The following SLC25A31 variants were observed in gnomAD, a reference collection of about 807,000 sequenced individuals.
SLC25A31 encodes solute carrier family 25 member 31.
In SLC25A31, 40 loss-of-function variants were observed where a neutral mutation model predicts 36.2. The observed-to-expected ratio is 1.10, with a 90% CI of 0.86 to 1.44. SLC25A31 has a LOEUF of 1.44. Ranked by LOEUF, SLC25A31 falls within the 40% of genes most tolerant of loss-of-function variation. The pLI, the probability that SLC25A31 is intolerant of heterozygous loss-of-function variation, is 0.00. For synonymous variants in SLC25A31, 143 were observed against 149.7 expected (o/e 0.96, Z 0.32); for missense variants, 350 against 397.1 (o/e 0.88, Z 1.01).
chr4:127,751,270 G>A (rs908196497), intron 2 of SLC25A31, among the ~76,000 whole-genome samples: 3 of 151,978 alleles, frequency 2.0e-5, no homozygotes, highest in Admixed American at 6.6e-5. Context: ...ATAATACCAG[G>A]CATCTACAAC....
rs1483357736 is a variant in SLC25A31, at chr4:127,730,624, G to A, written c.79G>A (p.Gly27Ser). The change falls in exon 1 of 6, where the codon GGC (glycine) becomes AGC (serine). Residue 27 changes from glycine (G) to serine (S), a missense_variant. Coordinates refer to ENST00000281154, the MANE Select transcript of SLC25A31 (RefSeq NM_031291.4). ...ASSFGKDLLAGGVAAAVSKTA... is the reference protein window; with the variant it reads ...ASSFGKDLLASGVAAAVSKTA... ...ATCCTTCGGGAAGGACCTTCTGGCC[G>A]GCGGAGTCGCGGCAGCTGTGTCCAA... 2.5e-6 allele frequency: 4 copies of A among 1,614,022 alleles called. No individual in the cohort carries two copies. The highest frequency in any genetic ancestry group is 1.7e-6 in the Non-Finnish European group (2 of 1,179,948).
intron 2 of SLC25A31, among the ~76,000 whole-genome samples, chr4:127,754,631 A>G (rs1374223713): frequency 1.3e-5 from 2 of 152,154 alleles, no homozygotes; most frequent in East Asian, 3.8e-4. Context: ...AAAGAAACTG[A>G]AACTGAAATA....
At chr4:127,764,606 T>G (rs1392774362) in intron 3 of SLC25A31, among the ~76,000 whole-genome samples, 1 of 151,974 alleles carries the variant, frequency 6.6e-6, no homozygotes, top group Non-Finnish European at 1.5e-5. Context: ...TTAGTCCCAT[T>G]TTTTTTTCCT....
At chr4:127,752,761 T>C (rs1436367567) in intron 2 of SLC25A31, among the ~76,000 whole-genome samples, 1 of 152,166 alleles carries the variant, frequency 6.6e-6, no homozygotes. Flanking sequence ...AGCACCTAAA[T>C]CTATAAAACA....
intron 1 of SLC25A31, among the ~76,000 whole-genome samples, chr4:127,743,924 C>A (rs1731776850): frequency 6.6e-6 from 1 of 152,162 alleles, no homozygotes; most frequent in African/African-American, 2.4e-5. Context: ...AACAGCAAGG[C>A]CAAAGCATTT....
intron 4 of SLC25A31, 143 bp from the exon 5 acceptor site, chr4:127,768,606 TCTG>T: frequency 3.5e-6 from 2 of 565,358 alleles, no homozygotes; most frequent in Non-Finnish European, 5.7e-6. Context: ...TTTTTATTGA[TCTG>T]CTACTATTAA....
chr4:127,756,801 A>T (rs1449306775), intron 2 of SLC25A31, among the ~76,000 whole-genome samples: 2 of 152,234 alleles, frequency 1.3e-5, no homozygotes, highest in Non-Finnish European at 2.9e-5. Flanking sequence ...CTAAATACCT[A>T]CAATAATGAT....
At position 127,736,108 on chromosome 4, in the gene SLC25A31, C is replaced by T. The variant is rs532191239; in HGVS notation, c.232+5331C>T. Among the ~76,000 whole-genome samples, 128 of 151,594 alleles carry T rather than the reference C, an allele frequency of 8.4e-4. No individual in the cohort carries two copies. In the South Asian group the frequency reaches 0.012, roughly 14 times the overall value. On this transcript the variant is annotated intron_variant, in intron 1 of 5. Transcript: ENST00000281154. ...GTTTCACCTTGTTAGCCAGGATGGT[C>T]TCGATCTCCTGACCTCGTGATCCGC...
intron 5 of SLC25A31, among the ~76,000 whole-genome samples, chr4:127,771,603 T>C (rs1484067205): frequency 6.6e-6 from 1 of 152,214 alleles, no homozygotes; most frequent in South Asian, 2.1e-4. Context: ...TATTTCTCTT[T>C]CTTGCCTTTC....
intron 2 of SLC25A31, among the ~76,000 whole-genome samples, chr4:127,757,261 G>C (rs1732048715): frequency 6.6e-6 from 1 of 152,188 alleles, no homozygotes. Flanking sequence ...GTACCCAACA[G>C]GTAGCTTTTT....
At position 127,740,368 on chromosome 4, in the gene SLC25A31, A is replaced by T. The variant is rs148209095; in HGVS notation, c.233-4304A>T. Among the ~76,000 whole-genome samples the T allele has an allele frequency of 1.1e-3, 172 of 152,132 alleles. 2 individuals are homozygous for T. Among genetic ancestry groups the T allele is most frequent in the African/African-American group, 3.8e-3 (159 of 41,508 alleles). On this transcript the variant is annotated intron_variant, in intron 1 of 5. Coordinates refer to ENST00000281154, the MANE Select transcript of SLC25A31 (RefSeq NM_031291.4). ...ACCCTTGGGGGTGTAACTGTAGACA[A>T]TGTTGGACAGGGGCTTTTGACTTTG...
chr4:127,742,758 A>G (rs1325369079), intron 1 of SLC25A31, among the ~76,000 whole-genome samples: 1 of 152,096 alleles, frequency 6.6e-6, no homozygotes, highest in East Asian at 1.9e-4. Context: ...TTTCTTCTTT[A>G]TACATATGCA....
chr4:127,749,068 G>A (rs1731874142), intron 2 of SLC25A31, among the ~76,000 whole-genome samples: 1 of 150,582 alleles, frequency 6.6e-6, no homozygotes, highest in Admixed American at 6.6e-5. Flanking sequence ...TAATGAAATT[G>A]AAACCATTAA....
chr4:127,755,952 G>A (rs1408782288), intron 2 of SLC25A31, among the ~76,000 whole-genome samples: 1 of 151,856 alleles, frequency 6.6e-6, no homozygotes, highest in Non-Finnish European at 1.5e-5. Context: ...AGAATCGCTT[G>A]AACCCAGGAG....
intron 1 of SLC25A31, among the ~76,000 whole-genome samples, chr4:127,734,333 G>T (rs1731583171): frequency 6.6e-6 from 1 of 152,084 alleles, no homozygotes; most frequent in South Asian, 2.1e-4. Context: ...GCAGAGGTGG[G>T]CAGATCACTT....
chr4:127,753,211 C>A (rs529114024), intron 2 of SLC25A31, among the ~76,000 whole-genome samples: 73 of 151,944 alleles, frequency 4.8e-4, no homozygotes, highest in Non-Finnish European at 7.4e-4. Flanking sequence ...AAAAGCAGTT[C>A]TAAGAGGAAG....
At chr4:127,734,200 T>C (rs1731580556) in intron 1 of SLC25A31, among the ~76,000 whole-genome samples, 1 of 152,242 alleles carries the variant, frequency 6.6e-6, no homozygotes, top group African/African-American at 2.4e-5. Flanking sequence ...GAGCAAAATA[T>C]ACATATGTAA....
intron 1 of SLC25A31, among the ~76,000 whole-genome samples, chr4:127,731,401 C>A (rs1731523354): frequency 6.6e-6 from 1 of 151,748 alleles, no homozygotes; most frequent in African/African-American, 2.4e-5. Context: ...CCTCAGTCAT[C>A]AAGATAAAAA....
intron 5 of SLC25A31, 41 bp from the exon 6 acceptor site, chr4:127,773,345 A>C: frequency 6.4e-7 from 1 of 1,552,066 alleles, no homozygotes; most frequent in Non-Finnish European, 8.7e-7. Context: ...AAGATAAAAG[A>C]TATTCAGATA....
Sources: allele counts gnomAD v4.1 joint callset (sites outside exome capture counted in the v4.1 genomes callset), GRCh38; gene constraint gnomAD v4.1.1; transcripts MANE v1.5; gene names NCBI Gene and HGNC (gene_info 2026-07-23, HGNC 2026-07-21).